Variants in MPZL2 observed in about 807,000 individuals in gnomAD.
The protein encoded by MPZL2 is myelin protein zero-like protein 2.
Under a neutral mutation model 24.5 loss-of-function variants are expected in MPZL2, and 32 were observed. The observed-to-expected ratio is 1.31, with a 90% CI of 0.99 to 1.76. The LOEUF (loss-of-function observed/expected upper bound fraction) is 1.76, where lower values mean the gene tolerates loss of function less well. Ranked by LOEUF, MPZL2 falls within the 40% of genes most tolerant of loss-of-function variation. The pLI is 0.00. For synonymous variants in MPZL2, 92 were observed against 97.9 expected (o/e 0.94, Z 0.36); for missense variants, 304 against 274.9 (o/e 1.11, Z -0.75).
At chr11:118,260,015 T>A in intron 4 of MPZL2, 39 bp downstream of exon 4, 1 of 1,611,728 alleles carries the variant, frequency 6.2e-7, no homozygotes, top group Non-Finnish European at 8.5e-7. Flanking sequence ...AGAGTCGCCA[T>A]AAGAGTGTTA....
In MPZL2 at chr11:118,254,698, C is replaced by G. The variant is rs1170006025; in HGVS notation, c.*548G>C. On this transcript the variant is annotated 3_prime_UTR_variant, in exon 6 of 6. Coordinates refer to ENST00000278937, the MANE Select transcript of MPZL2 (RefSeq NM_005797.4). ...AGAAATTCAGTAAAACAAGATGTGT[C>G]TCATAGTTAAGGAGAGACATAAAAA... 6.6e-6 allele frequency: 1 copy of G among 152,152 alleles called. No homozygotes were observed. The highest frequency in any genetic ancestry group is 1.5e-5 in the Non-Finnish European group (1 of 68,028). 9.4% of individuals were successfully genotyped at this position (152,152 alleles called of 1,614,324 possible).
chr11:118,257,528 T>A (rs1265191403), intron 4 of MPZL2: 4 of 412,530 alleles, frequency 9.7e-6, no homozygotes, highest in African/African-American at 8.2e-5. Context: ...TGTAAGGGAA[T>A]ACAGTTTGGG....
rs761760630 is a variant in MPZL2 at position 118,264,188 on chromosome 11, G to T, written c.-35C>A. 6.2e-7 allele frequency: 1 copy of T among 1,610,632 alleles called. No individual in the cohort carries two copies. The highest frequency in any genetic ancestry group is 1.1e-5 in the South Asian group (1 of 90,980). ...CCAGCCTTGGCCCCAGAGACCGGAC[G>T]GGGCAGACCGAGGGCTCCAACACCC... On this transcript the variant is annotated 5_prime_UTR_variant, in exon 1 of 6. Transcript: ENST00000278937.
intron 5 of MPZL2, among the ~76,000 whole-genome samples, chr11:118,256,106 A>G (rs916331297): frequency 4.6e-5 from 7 of 151,574 alleles, no homozygotes; most frequent in Admixed American, 3.3e-4. Context: ...ATTTTACTCC[A>G]TATTCTATTT....
Position 118,260,107 on chromosome 11 carries a change from A to T in MPZL2, c.531T>A (p.His177Gln), listed in dbSNP as rs1449851518. Residue 177 changes from histidine to glutamine, a missense_variant, in exon 4 of 6, where the codon CAT becomes CAA. By Grantham distance (24) the His-to-Gln change is conservative. Transcript: ENST00000278937. ...TTTCGGCCCATCGCTTTTTCCGGTA[A>T]TGCTGGAAGAGGACCACTACAATTA... Reference protein sequence around the residue: ...IIVIVVVLFQHYRKKRWAERA... With the variant: ...IIVIVVVLFQQYRKKRWAERA... 2 of 1,614,004 alleles carry T rather than the reference A, an allele frequency of 1.2e-6. No homozygotes were observed. Among genetic ancestry groups the T allele is most frequent in the Non-Finnish European group, 8.5e-7 (1 of 1,179,992 alleles).
In MPZL2 at chr11:118,263,930, CA is replaced by C. The variant is rs540476719; in HGVS notation, c.58+165del. 2.6e-4 allele frequency among the ~76,000 whole-genome samples: 39 copies of C among 152,232 alleles called. 1 individual carries two copies. In the South Asian group the frequency reaches 7.7e-3, roughly 30 times the overall value. On this transcript the variant is annotated intron_variant, in intron 1 of 5. Transcript: ENST00000278937. The stretch of plus-strand genomic sequence containing the variant: ...ACCTGTTTGTCCGAGAGCAGTTCTC[CA>C]AAAACAGTCCACCAACTTTGGTTTC...
At position 118,262,583 on chromosome 11, in the gene MPZL2, C is replaced by T. The variant is rs1949707893; in HGVS notation, c.291G>A (p.Trp97Ter). 3.7e-6 allele frequency: 6 copies of T among 1,614,142 alleles called. No homozygotes were observed. In the Admixed American group the frequency reaches 8.3e-5, roughly 22 times the overall value. Residue 97 changes from tryptophan to a stop codon, truncating the protein, a stop_gained, in exon 3 of 6, where the codon TGG (tryptophan) becomes TGA (stop). Transcript: ENST00000278937. LOFTEE classifies it high-confidence loss of function. ...MSGRFKDRVS[W>*]DGNPERYDAS... ...CATCGTACCGCTCAGGATTCCCATC[C>T]CAAGACACCCGGTCCTTAAACCGCC...
intron 3 of MPZL2, among the ~76,000 whole-genome samples, chr11:118,261,905 AAATGCACAATAAACT>A (rs1949703190): frequency 1.3e-5 from 2 of 152,230 alleles, no homozygotes; most frequent in Non-Finnish European, 2.9e-5. Flanking sequence ...GGGAGGCATT[AAATGCACAATAAACT>A]GATGAGATAT....
chr11:118,257,128 T>C lies in MPZL2; in HGVS notation c.*12+110A>G, dbSNP rs565778820. ...CCCTGACCCAGCTCCTCTAATTTCA[T>C]ATGGGAAACACCTAACAGCCATAAA... is the stretch of plus-strand genomic sequence containing the variant. On this transcript the variant is annotated intron_variant, in intron 5 of 5. Coordinates refer to ENST00000278937, the MANE Select transcript of MPZL2 (RefSeq NM_005797.4). The C allele has an allele frequency of 2.8e-5, 20 of 707,398 alleles. No homozygotes were observed. In the African/African-American group the frequency reaches 2.9e-4, roughly 10 times the overall value. 43.8% of individuals were successfully genotyped at this position (707,398 alleles called of 1,614,324 possible). A position where few individuals can be genotyped will look rare whatever the true frequency, so the allele number is the denominator to read the frequency against.
intron 5 of MPZL2, among the ~76,000 whole-genome samples, chr11:118,255,454 T>C (rs956165103): frequency 6.6e-6 from 1 of 152,330 alleles, no homozygotes; most frequent in African/African-American, 2.4e-5. Flanking sequence ...GTACCTTGCA[T>C]GGACACTTGG....
At chr11:118,258,853 G>A (rs1018920329) in intron 4 of MPZL2, among the ~76,000 whole-genome samples, 23 of 152,098 alleles carry the variant, frequency 1.5e-4, no homozygotes, top group Admixed American at 1.1e-3. Flanking sequence ...TTCTGCCATC[G>A]GTAAAAGCTC....
intron 1 of MPZL2, 100 bp from the exon 2 acceptor site, chr11:118,263,197 G>T: frequency 8.1e-7 from 1 of 1,239,130 alleles, no homozygotes; most frequent in Non-Finnish European, 1.1e-6. Flanking sequence ...AGGACTTAAA[G>T]TAAAGTGAAA....
chr11:118,253,956 T>G lies in MPZL2; in HGVS notation c.*1290A>C, dbSNP rs1445819219. Reference sequence around the variant, plus strand: ...CCAGTTTGTTAAAAGAAAAAACATCTGCAGTCCAGTCGATTAAAAACTGAA... The same window carrying G: ...CCAGTTTGTTAAAAGAAAAAACATCGGCAGTCCAGTCGATTAAAAACTGAA... On this transcript the variant is annotated 3_prime_UTR_variant, in exon 6 of 6. Transcript: ENST00000278937. 6.6e-6 allele frequency: 1 copy of G among 152,580 alleles called. No individual in the cohort carries two copies. 9.5% of individuals were successfully genotyped at this position (152,580 alleles called of 1,614,324 possible). A position where few individuals can be genotyped will look rare whatever the true frequency, so the allele number is the denominator to read the frequency against.
Position 118,264,124 on chromosome 11 carries a change from C to A in MPZL2, c.30G>T (p.Val10=). Residue 10 remains valine (V), a synonymous_variant, in exon 1 of 6, where the codon GTG becomes GTT. Transcript: ENST00000278937. ...TGAGCTGTATGCCAAGGAGAAGAAG[C>A]ACCGCACGAGTAGAGCTCTTGCCAT... is the stretch of plus-strand genomic sequence containing the variant. MYGKSSTRA[V]LLLLGIQLTA... is the part of the protein sequence containing the mutation. The A allele has an allele frequency of 6.2e-7, 1 of 1,614,142 alleles. No individual in the cohort carries two copies. The highest frequency in any genetic ancestry group is 2.2e-5 in the East Asian group (1 of 44,872).
chr11:118,256,541 T>C (rs573854555), intron 5 of MPZL2, among the ~76,000 whole-genome samples: 9 of 151,928 alleles, frequency 5.9e-5, no homozygotes, highest in African/African-American at 1.9e-4. Context: ...TCCCAGCTAC[T>C]TGGGAGGCTG....
At position 118,253,974 on chromosome 11, in the gene MPZL2, A is replaced by C. The variant is rs1591502880; in HGVS notation, c.*1272T>G. ...AAACATCTGCAGTCCAGTCGATTAA[A>C]AACTGAAAATATCAATCTGTAAAGA... On this transcript the variant is annotated 3_prime_UTR_variant, in exon 6 of 6. Transcript: ENST00000278937. The C allele has an allele frequency of 6.5e-6, 1 of 152,714 alleles. No homozygotes were observed. Among genetic ancestry groups the C allele is most frequent in the East Asian group, 1.9e-4 (1 of 5,186 alleles). 9.5% of individuals were successfully genotyped at this position (152,714 alleles called of 1,614,324 possible).
Position 118,262,364 on chromosome 11 carries a change from C to T in MPZL2, c.436+74G>A, listed in dbSNP as rs536222957. On this transcript the variant is annotated intron_variant, in intron 3 of 5. Transcript: ENST00000278937. ...CAAAAGATTGTCCCTCTCTCTCAGC[C>T]TTAACAAAGATTGCCCCTTTCTTTT... 14 of 1,482,008 alleles carry T rather than the reference C, an allele frequency of 9.4e-6. No individual in the cohort carries two copies. The South Asian group carries it at 1.2e-4, about 12-fold the overall frequency. 91.8% of individuals were successfully genotyped at this position (1,482,008 alleles called of 1,614,324 possible).
intron 3 of MPZL2, 133 bp downstream of exon 3, chr11:118,262,305 G>T (rs1053883445): frequency 5.2e-5 from 49 of 941,432 alleles, no homozygotes; most frequent in Non-Finnish European, 6.5e-6. Flanking sequence ...GAGGCTCCCA[G>T]TTCTGAAGGG....
In MPZL2 at chr11:118,253,871, A is replaced by G. The variant is rs1235641258; in HGVS notation, c.*1375T>C. Reference sequence around the variant, plus strand: ...TGTAAATCATACAATTTTTTAAAAAATAGTATTGGAAAAATATCAAGGTCT... The same window carrying G: ...TGTAAATCATACAATTTTTTAAAAAGTAGTATTGGAAAAATATCAAGGTCT... On this transcript the variant is annotated 3_prime_UTR_variant, in exon 6 of 6. Transcript: ENST00000278937. 1 of 152,614 alleles carries G rather than the reference A, an allele frequency of 6.6e-6. No individual in the cohort carries two copies. The highest frequency in any genetic ancestry group is 1.5e-5 in the Non-Finnish European group (1 of 68,008). The allele number at this position is 152,614 out of a possible 1,614,324, so 9.5% of individuals were successfully genotyped here. A position where few individuals can be genotyped will look rare whatever the true frequency, so the allele number is the denominator to read the frequency against.
Sources: allele counts gnomAD v4.1 joint callset (sites outside exome capture counted in the v4.1 genomes callset), GRCh38; gene constraint gnomAD v4.1.1; transcripts MANE v1.5; gene names NCBI Gene and HGNC (gene_info 2026-07-23, HGNC 2026-07-21).